FAAH2: variants seen among roughly 807,000 people sequenced by gnomAD.
The protein encoded by FAAH2 is fatty acid amide hydrolase 2.
In FAAH2, 60 loss-of-function variants were observed where a neutral mutation model predicts 36.9. The ratio of observed to expected loss-of-function variants is 1.63; its 90% CI spans 1.32 to 2.02. FAAH2 has a LOEUF of 2.02. Among genes scored for constraint, FAAH2 ranks in the 30% most tolerant of loss-of-function variants. FAAH2 has a pLI of 0.00. For missense variants in FAAH2, 689 were observed against 397.5 expected (o/e 1.73, Z -6.23); for synonymous variants, 214 against 143.8 (o/e 1.49, Z -3.49).
intron 8 of FAAH2, among the ~76,000 whole-genome samples, chrX:57,435,934 A>G (rs1034753529): frequency 9.0e-6 from 1 of 111,645 alleles, no homozygotes; most frequent in Non-Finnish European, 1.9e-5. Context: ...AAGATAGACC[A>G]TGTATGACCT....
intron 5 of FAAH2, among the ~76,000 whole-genome samples, chrX:57,369,287 T>A (rs776381426): frequency 1.8e-5 from 2 of 110,946 alleles, no homozygotes; most frequent in African/African-American, 6.6e-5. Context: ...GTAGAAGAGA[T>A]GGAGAAAAGC....
rs1216711556 is a variant in FAAH2, at chrX:57,294,769, T to C, written c.275+2189T>C. On this transcript the variant is annotated intron_variant, in intron 2 of 10. Transcript: ENST00000374900. Reference sequence around the variant, plus strand: ...TAGGACTCAGTCCAGTTCTCAATTTTACATTATCTAATCATCTCAGTCTCT... The same window carrying C: ...TAGGACTCAGTCCAGTTCTCAATTTCACATTATCTAATCATCTCAGTCTCT... 2.7e-5 allele frequency among the ~76,000 whole-genome samples: 3 copies of C among 111,635 alleles called. No homozygotes were observed. In the East Asian group the frequency reaches 8.5e-4, roughly 31 times the overall value.
intron 7 of FAAH2, among the ~76,000 whole-genome samples, chrX:57,415,617 C>T (rs1010725917): frequency 1.8e-5 from 2 of 111,348 alleles, no homozygotes; most frequent in Admixed American, 9.5e-5. Flanking sequence ...CATTCTTTTT[C>T]GTTTGTTGAG....
At chrX:57,295,027 G>T (rs1016605741) in intron 2 of FAAH2, among the ~76,000 whole-genome samples, 1 of 112,313 alleles carries the variant, frequency 8.9e-6, no homozygotes. Context: ...ACAAAGGGAA[G>T]AAATTGGGAT....
intron 5 of FAAH2, among the ~76,000 whole-genome samples, chrX:57,351,865 T>C (rs1417173093): frequency 9.5e-6 from 1 of 104,734 alleles, no homozygotes. Context: ...GAATGGATTA[T>C]TCACAGCTGA....
intron 5 of FAAH2, among the ~76,000 whole-genome samples, chrX:57,350,167 T>C (rs2053961851): frequency 9.0e-6 from 1 of 111,304 alleles, no homozygotes; most frequent in Non-Finnish European, 1.9e-5. Context: ...ATACTTGCCT[T>C]CATAAATGAA....
intron 8 of FAAH2, among the ~76,000 whole-genome samples, chrX:57,438,035 GTA>G (rs1180634194): frequency 1.9e-4 from 19 of 100,917 alleles, no homozygotes; most frequent in African/African-American, 3.6e-4. Flanking sequence ...ATATACATAT[GTA>G]TATATATACA....
intron 2 of FAAH2, among the ~76,000 whole-genome samples, chrX:57,302,637 A>T (rs942051706): frequency 1.8e-5 from 2 of 111,392 alleles, no homozygotes; most frequent in Non-Finnish European, 3.8e-5. Flanking sequence ...GTTGCTTTCC[A>T]CCAAAAAGCT....
chrX:57,411,069 C>G lies in FAAH2; in HGVS notation c.997-20849C>G, dbSNP rs143260104. 4.9e-3 allele frequency among the ~76,000 whole-genome samples: 547 copies of G among 111,862 alleles called. 5 individuals are homozygous for G. Among genetic ancestry groups the G allele is most frequent in the African/African-American group, 0.017 (528 of 30,774 alleles). On this transcript the variant is annotated intron_variant, in intron 7 of 10. Coordinates refer to ENST00000374900, the MANE Select transcript of FAAH2 (RefSeq NM_174912.4). ...CAGTTATCTTCTCTACTGTTTATAA[C>G]AGGCTTTGGGGAAGAAAGATCTTTA...
the FAAH2 span, among the ~76,000 whole-genome samples, chrX:57,140,972 T>A: frequency 8.9e-6 from 1 of 111,859 alleles, no homozygotes; most frequent in East Asian, 2.8e-4. Context: ...CCCATGAAAC[T>A]AATTTTTTTG....
At chrX:57,367,358 C>T (rs1273434198) in intron 5 of FAAH2, among the ~76,000 whole-genome samples, 2 of 112,017 alleles carry the variant, frequency 1.8e-5, no homozygotes, top group African/African-American at 3.2e-5. Flanking sequence ...GTGGCTGCAC[C>T]TTAGCATGAA....
chrX:57,395,344 A>G, intron 7 of FAAH2: 1 of 681,541 alleles, frequency 1.5e-6, no homozygotes, highest in Non-Finnish European at 2.4e-6. Flanking sequence ...GAGTGACTTG[A>G]TTCTTCAGTC....
chrX:57,207,892 G>A, the FAAH2 span, among the ~76,000 whole-genome samples: 9 of 112,953 alleles, frequency 8.0e-5, no homozygotes, highest in African/African-American at 2.9e-4. Context: ...ACATTGTACA[G>A]GGGTGAGGGA....
the FAAH2 span, among the ~76,000 whole-genome samples, chrX:57,278,444 T>C: frequency 9.1e-4 from 102 of 111,484 alleles, no homozygotes; most frequent in Middle Eastern, 9.2e-3. Context: ...GGATTAAAGA[T>C]TTAAATGCTA....
rs201590323 is a variant in FAAH2 at position 57,380,930 on chromosome X, G to T, written c.897G>T (p.Lys299Asn). The change falls in exon 7 of 11, where the codon AAG becomes AAT. Residue 299 changes from lysine (K) to asparagine (N), a missense_variant. Physicochemically the swap from Lys to Asn is moderately conservative, Grantham distance 94. Transcript: ENST00000374900. ...TACACAGGTTAAAACTAGACACAAA[G>T]GTACATTTAAAAGACTTAAAATTTT... Reference protein sequence around the residue: ...PGIKRLKLDTKVHLKDLKFYW... With the variant: ...PGIKRLKLDTNVHLKDLKFYW... 5.1e-6 allele frequency: 6 copies of T among 1,184,406 alleles called. No individual in the cohort carries two copies. The South Asian group carries it at 7.7e-5, about 15-fold the overall frequency.
intron 10 of FAAH2, among the ~76,000 whole-genome samples, chrX:57,458,415 C>G (rs2056898944): frequency 9.0e-6 from 1 of 111,223 alleles, no homozygotes; most frequent in Non-Finnish European, 1.9e-5. Context: ...ATCGCTTGAA[C>G]CCAGGAGGCA....
the FAAH2 span, among the ~76,000 whole-genome samples, chrX:57,166,088 C>T: frequency 9.1e-6 from 1 of 110,387 alleles, no homozygotes; most frequent in African/African-American, 3.3e-5. Flanking sequence ...ACCGACAGGC[C>T]ATCAGCAATG....
intron 7 of FAAH2, among the ~76,000 whole-genome samples, chrX:57,396,877 T>C (rs1388236075): frequency 4.5e-5 from 5 of 111,825 alleles, no homozygotes; most frequent in Admixed American, 3.8e-4. Context: ...CCAATTTAAG[T>C]CCAGAGTTTA....
intron 7 of FAAH2, among the ~76,000 whole-genome samples, chrX:57,428,524 G>T (rs1336851171): frequency 2.7e-5 from 3 of 111,765 alleles, no homozygotes; most frequent in Non-Finnish European, 5.6e-5. Flanking sequence ...CAACAGCATG[G>T]TATTGGTATA....
Sources: gnomAD v4.1 joint callset for allele counts (sites outside exome capture counted in the v4.1 genomes callset) on GRCh38, gnomAD v4.1.1 for gene constraint, MANE v1.5 for transcripts, NCBI Gene and HGNC (gene_info 2026-07-23, HGNC 2026-07-21) for gene names.